The following SCLT1 variants were observed in gnomAD, a reference collection of about 807,000 sequenced individuals.
SCLT1 encodes sodium channel and clathrin linker 1, also known as sodium channel-associated protein 1.
A neutral mutation model predicts 112.8 loss-of-function variants in SCLT1; 78 were observed. The ratio of observed to expected loss-of-function variants is 0.69; its 90% CI spans 0.58 to 0.83. The LOEUF (loss-of-function observed/expected upper bound fraction) is 0.83, where lower values mean the gene tolerates loss of function less well. Among genes scored for constraint, SCLT1 ranks in the 40% least tolerant of loss-of-function variants. The pLI is 0.00. For synonymous variants in SCLT1, 257 were observed against 254.7 expected (o/e 1.01, Z -0.09); for missense variants, 747 against 770.4 (o/e 0.97, Z 0.36).
downstream of SCLT1, among the ~76,000 whole-genome samples, chr4:128,883,019 G>A (rs190633726): frequency 6.6e-6 from 1 of 151,906 alleles, no homozygotes; most frequent in East Asian, 1.9e-4. Flanking sequence ...GGTGGCGGGT[G>A]CCTGTAATCC....
intron 8 of SCLT1, among the ~76,000 whole-genome samples, chr4:128,997,531 A>C (rs1743114561): frequency 6.6e-6 from 1 of 151,894 alleles, no homozygotes; most frequent in African/African-American, 2.4e-5. Flanking sequence ...TAATTCATTA[A>C]ACAATTACAC....
At chr4:129,057,048 T>C (rs1447702818) in intron 2 of SCLT1, among the ~76,000 whole-genome samples, 1 of 152,204 alleles carries the variant, frequency 6.6e-6, no homozygotes, top group Non-Finnish European at 1.5e-5. Context: ...ATCAAGAAGA[T>C]ATGTTGAATT....
At chr4:129,010,267 G>A (rs1010026532) in intron 5 of SCLT1, among the ~76,000 whole-genome samples, 3 of 152,096 alleles carry the variant, frequency 2.0e-5, no homozygotes, top group African/African-American at 7.2e-5. Context: ...CTGTTGCAAT[G>A]GTCTATGTGC....
intron 18 of SCLT1, among the ~76,000 whole-genome samples, chr4:128,928,129 CAACAACAACAAA>C (rs904605988): frequency 6.6e-6 from 1 of 151,642 alleles, no homozygotes; most frequent in African/African-American, 2.4e-5. Flanking sequence ...TACAAAAACC[CAACAACAACAAA>C]AACAACAACA....
At chr4:128,981,640 C>T (rs1445942854) in intron 9 of SCLT1, among the ~76,000 whole-genome samples, 1 of 151,670 alleles carries the variant, frequency 6.6e-6, no homozygotes, top group African/African-American at 2.4e-5. Flanking sequence ...GCACTCCTGA[C>T]TCACTGGCCC....
At chr4:128,975,429 A>G (rs1034298250) in intron 9 of SCLT1, among the ~76,000 whole-genome samples, 5 of 152,220 alleles carry the variant, frequency 3.3e-5, no homozygotes, top group African/African-American at 1.2e-4. Flanking sequence ...AAATTATACC[A>G]TCAATTTGGA....
chr4:129,085,879 G>C (rs578258440), intron 1 of SCLT1, among the ~76,000 whole-genome samples: 1 of 152,134 alleles, frequency 6.6e-6, no homozygotes, highest in South Asian at 2.1e-4. Context: ...GGAGGAGGGA[G>C]AGGATCAGGA....
intron 18 of SCLT1, among the ~76,000 whole-genome samples, chr4:128,903,419 A>C (rs902219609): frequency 5.9e-5 from 9 of 152,186 alleles, no homozygotes; most frequent in African/African-American, 2.2e-4. Flanking sequence ...TTTATGGCTA[A>C]ATTTCTAATT....
At chr4:128,896,294 G>A (rs952815258) in intron 18 of SCLT1, among the ~76,000 whole-genome samples, 15 of 151,984 alleles carry the variant, frequency 9.9e-5, no homozygotes, top group Non-Finnish European at 1.3e-4. Flanking sequence ...CCCCAGTACC[G>A]GGTACTGGCT....
At chr4:129,086,747 T>G (rs1336208752) in intron 1 of SCLT1, among the ~76,000 whole-genome samples, 2 of 151,620 alleles carry the variant, frequency 1.3e-5, no homozygotes, top group Non-Finnish European at 2.9e-5. Context: ...AAGACACCAG[T>G]AAAAACAAAC....
intron 2 of SCLT1, among the ~76,000 whole-genome samples, chr4:129,079,934 G>A (rs1751794269): frequency 6.6e-6 from 1 of 152,246 alleles, no homozygotes; most frequent in Non-Finnish European, 1.5e-5. Flanking sequence ...CCATGTGGAA[G>A]CTGCCAAGAT....
intron 2 of SCLT1, among the ~76,000 whole-genome samples, chr4:129,067,486 T>C (rs1750595582): frequency 6.6e-6 from 1 of 151,896 alleles, no homozygotes; most frequent in East Asian, 1.9e-4. Context: ...CTACTAACAA[T>C]AGTTTATACT....
chr4:129,014,093 C>G (rs1423637867), intron 5 of SCLT1, among the ~76,000 whole-genome samples: 2 of 152,186 alleles, frequency 1.3e-5, no homozygotes, highest in Non-Finnish European at 2.9e-5. Context: ...TCCACTTGAT[C>G]TATTCTGCTT....
chr4:129,042,459 T>C (rs184487735), intron 4 of SCLT1, among the ~76,000 whole-genome samples: 4 of 152,046 alleles, frequency 2.6e-5, no homozygotes, highest in Non-Finnish European at 2.9e-5. Context: ...ATTCTGCAAG[T>C]AATGGGAGAT....
chr4:128,982,250 A>G (rs1741722891), intron 9 of SCLT1, among the ~76,000 whole-genome samples: 1 of 152,176 alleles, frequency 6.6e-6, no homozygotes, highest in Non-Finnish European at 1.5e-5. Context: ...AGAAAAATTT[A>G]ATGAGATCTC....
chr4:128,874,861 T>C (rs1732457573), intron 4 of SCLT1: 1 of 152,646 alleles, frequency 6.6e-6, no homozygotes, highest in Admixed American at 6.5e-5. Flanking sequence ...TTTGTTAGGT[T>C]ATAAACACAA....
intron 18 of SCLT1, among the ~76,000 whole-genome samples, chr4:128,918,896 CA>C (rs752317329): frequency 1.3e-5 from 2 of 152,132 alleles, no homozygotes; most frequent in Admixed American, 1.3e-4. Flanking sequence ...AATATATATG[CA>C]TCTAGCACAG....
rs115713100 is a variant in SCLT1 at position 129,004,980 on chromosome 4, T to C, written c.291-1104A>G. On this transcript the variant is annotated intron_variant, in intron 5 of 20. Coordinates refer to ENST00000281142, the MANE Select transcript of SCLT1 (RefSeq NM_144643.4). Reference sequence around the variant, plus strand: ...TTTCCTATATGAAATGTTTACCTAATAGAGAAAATGATCAGTATAGAAATA... The same window carrying C: ...TTTCCTATATGAAATGTTTACCTAACAGAGAAAATGATCAGTATAGAAATA... 8.0e-3 allele frequency among the ~76,000 whole-genome samples: 1,211 copies of C among 151,856 alleles called. 15 individuals are homozygous for C. Among genetic ancestry groups the C allele is most frequent in the African/African-American group, 0.028 (1,161 of 41,548 alleles).
intron 5 of SCLT1, among the ~76,000 whole-genome samples, chr4:129,026,665 T>A (rs1746119607): frequency 6.6e-6 from 1 of 151,852 alleles, no homozygotes; most frequent in Non-Finnish European, 1.5e-5. Context: ...GCAAACACAT[T>A]CAAAAGCTAG....
Sources: gnomAD v4.1 joint callset for allele counts (sites outside exome capture counted in the v4.1 genomes callset) on GRCh38, gnomAD v4.1.1 for gene constraint, MANE v1.5 for transcripts, NCBI Gene and HGNC (gene_info 2026-07-23, HGNC 2026-07-21) for gene names.